Variants in TM2D1 observed in about 807,000 individuals in gnomAD.
TM2D1 encodes the protein TM2 domain-containing protein 1.
TM2D1 carries 15 observed loss-of-function variants against 28.4 expected under a neutral mutation model. That is an observed-to-expected ratio of 0.53 (90% confidence interval 0.35 to 0.81). TM2D1 has a LOEUF of 0.81. Ranked by LOEUF, TM2D1 falls within the 40% of genes least tolerant of loss-of-function variation. The pLI, the probability that TM2D1 is intolerant of heterozygous loss-of-function variation, is 0.01. For synonymous variants in TM2D1, 93 were observed against 96.2 expected (o/e 0.97, Z 0.20); for missense variants, 236 against 254.9 (o/e 0.93, Z 0.50).
chr1:61,701,380 A>C (rs1048995167), intron 3 of TM2D1, among the ~76,000 whole-genome samples: 3 of 143,636 alleles, frequency 2.1e-5, no homozygotes, highest in Non-Finnish European at 4.6e-5. Flanking sequence ...ATTTAAATGG[A>C]GTGGTAAGAG....
intron 3 of TM2D1, among the ~76,000 whole-genome samples, chr1:61,704,054 C>T (rs992195905): frequency 2.0e-5 from 3 of 151,858 alleles, no homozygotes; most frequent in Admixed American, 6.6e-5. Flanking sequence ...CCACATCCAG[C>T]TAATTTTTGT....
At chr1:61,706,795 C>T (rs1644444328) in intron 3 of TM2D1, among the ~76,000 whole-genome samples, 1 of 139,006 alleles carries the variant, frequency 7.2e-6, no homozygotes, top group African/African-American at 2.5e-5. Flanking sequence ...CACCATTGCA[C>T]TCCAGCCTGG....
At chr1:61,722,928 T>TA (rs1264867028) in intron 2 of TM2D1, among the ~76,000 whole-genome samples, 1 of 152,048 alleles carries the variant, frequency 6.6e-6, no homozygotes, top group Admixed American at 6.6e-5. Flanking sequence ...AAAATAAAAA[T>TA]AAAAAAAGTA....
At chr1:61,717,052 A>T (rs1644527276) in intron 2 of TM2D1, among the ~76,000 whole-genome samples, 3 of 152,178 alleles carry the variant, frequency 2.0e-5, no homozygotes, top group Admixed American at 6.5e-5. Context: ...TGACAAGATC[A>T]AACAAGCCAG....
chr1:61,702,231 C>G (rs1027493425), intron 3 of TM2D1, among the ~76,000 whole-genome samples: 9 of 151,570 alleles, frequency 5.9e-5, no homozygotes, highest in African/African-American at 2.2e-4. Context: ...AAAGTTTCTG[C>G]TTAAGAAACT....
At chr1:61,700,835 A>T in intron 4 of TM2D1, 99 bp downstream of exon 4, 1 of 844,810 alleles carries the variant, frequency 1.2e-6, no homozygotes, top group South Asian at 1.8e-5. Context: ...AATTATATAG[A>T]ACTTATAATA....
chr1:61,692,786 T>C (rs940413059), intron 5 of TM2D1, among the ~76,000 whole-genome samples: 2 of 152,186 alleles, frequency 1.3e-5, no homozygotes, highest in African/African-American at 4.8e-5. Flanking sequence ...ATGCTTGAAA[T>C]GGATTTATTA....
At chr1:61,686,464 C>T (rs1489541692) in intron 5 of TM2D1, among the ~76,000 whole-genome samples, 1 of 151,778 alleles carries the variant, frequency 6.6e-6, no homozygotes, top group East Asian at 1.9e-4. Flanking sequence ...CGAGACCAGT[C>T]TGGCCAACAT....
intron 3 of TM2D1, among the ~76,000 whole-genome samples, chr1:61,703,729 TATATATATATATATATATATATATATGCA>T (rs1644420205): frequency 2.8e-5 from 2 of 71,722 alleles, no homozygotes; most frequent in African/African-American, 1.5e-4. Context: ...TATATATATA[TATATATATATATATATATATATATATGCA>T]TTTTTTTTTT....
chr1:61,718,962 T>C (rs1021959209), intron 2 of TM2D1, among the ~76,000 whole-genome samples: 2 of 152,338 alleles, frequency 1.3e-5, no homozygotes, highest in Non-Finnish European at 2.9e-5. Flanking sequence ...TTTGATAAAA[T>C]AAGAATATGG....
At chr1:61,699,598 T>A (rs1644387931) in intron 4 of TM2D1, 1 of 152,258 alleles carries the variant, frequency 6.6e-6, no homozygotes, top group African/African-American at 2.4e-5. Flanking sequence ...GCCTTCAACC[T>A]CTGTAATCTT....
intron 5 of TM2D1, 127 bp downstream of exon 5, chr1:61,694,570 T>A: frequency 1.7e-6 from 1 of 573,186 alleles, no homozygotes; most frequent in Non-Finnish European, 3.0e-6. Context: ...ATCTAGTACA[T>A]GAAGAAAAAT....
chr1:61,707,851 A>G (rs1644451776), intron 3 of TM2D1, among the ~76,000 whole-genome samples: 1 of 152,154 alleles, frequency 6.6e-6, no homozygotes, highest in African/African-American at 2.4e-5. Flanking sequence ...TTAAGGTTCA[A>G]TGCATCTGTA....
At chr1:61,721,977 A>G (rs1398736943) in intron 2 of TM2D1, among the ~76,000 whole-genome samples, 1 of 150,400 alleles carries the variant, frequency 6.6e-6, no homozygotes, top group Admixed American at 6.6e-5. Context: ...AAAAAAAAAA[A>G]AGTCAGGGAG....
At chr1:61,723,364 T>C (rs1285892995) in intron 2 of TM2D1, among the ~76,000 whole-genome samples, 1 of 152,114 alleles carries the variant, frequency 6.6e-6, no homozygotes, top group African/African-American at 2.4e-5. Flanking sequence ...TAAAGGAAAA[T>C]AAAAGGAAGA....
At chr1:61,683,790 G>A (rs1236673751) in intron 5 of TM2D1, 1 of 268,286 alleles carries the variant, frequency 3.7e-6, no homozygotes, top group Non-Finnish European at 6.9e-6. Flanking sequence ...GCTCCCTGAG[G>A]CCCTTGGCTT....
chr1:61,715,617 A>C (rs1200417752), intron 2 of TM2D1, among the ~76,000 whole-genome samples: 5 of 141,656 alleles, frequency 3.5e-5, no homozygotes, highest in African/African-American at 1.3e-4. Context: ...CACTGAACTA[A>C]AGCCTGGGTG....
chr1:61,713,411 T>C (rs553381266), intron 2 of TM2D1, among the ~76,000 whole-genome samples: 26 of 140,626 alleles, frequency 1.8e-4, no homozygotes, highest in Non-Finnish European at 3.0e-4. Context: ...CTGGGAGACA[T>C]AGGTTGCAGT....
At chr1:61,695,457 T>C (rs113118180) in intron 4 of TM2D1, among the ~76,000 whole-genome samples, 2,586 of 151,908 alleles carry the variant, frequency 0.017, 26 homozygotes, top group Admixed American at 0.03. Flanking sequence ...CCAAAAACGA[T>C]TGTAAGAGGC....
Sources: allele counts gnomAD v4.1 joint callset (sites outside exome capture counted in the v4.1 genomes callset), GRCh38; gene constraint gnomAD v4.1.1; transcripts MANE v1.5; gene names NCBI Gene and HGNC (gene_info 2026-07-23, HGNC 2026-07-21).